FANCC: variants seen among roughly 807,000 people sequenced by gnomAD.
FANCC encodes the protein FA complementation group C.
In FANCC, 55 loss-of-function variants were observed where a neutral mutation model predicts 71.3. That is an observed-to-expected ratio of 0.77 (90% CI 0.62 to 0.97). The LOEUF is 0.97. Ranked by LOEUF, FANCC falls within the 50% of genes least tolerant of loss-of-function variation. FANCC has a pLI of 0.00. For synonymous variants in FANCC, 275 were observed against 244.9 expected, an observed-to-expected ratio of 1.12 and a Z score of -1.15; for missense variants, 678 against 670.9, an observed-to-expected ratio of 1.01 and a Z score of -0.12.
chr9:95,205,645 A>G (rs1828077301), intron 4 of FANCC, among the ~76,000 whole-genome samples: 1 of 152,046 alleles, frequency 6.6e-6, no homozygotes, highest in African/African-American at 2.4e-5. Flanking sequence ...ACTTAAAATA[A>G]CTCCTCCCGA....
chr9:95,132,767 C>G (rs998317082), intron 8 of FANCC, among the ~76,000 whole-genome samples: 4 of 152,180 alleles, frequency 2.6e-5, no homozygotes, highest in Non-Finnish European at 5.9e-5. Flanking sequence ...TGGAAAATAT[C>G]AGACCTGCGA....
At chr9:95,108,416 G>A (rs2071629505) in intron 13 of FANCC, among the ~76,000 whole-genome samples, 1 of 152,220 alleles carries the variant, frequency 6.6e-6, no homozygotes, top group Non-Finnish European at 1.5e-5. Flanking sequence ...CAGGGTTTAG[G>A]AGGCTATGCC....
chr9:95,100,781 C>T lies in FANCC; in HGVS notation c.*926G>A, dbSNP rs1169902702. 2 of 225,294 alleles carry T rather than the reference C, an allele frequency of 8.9e-6. No homozygotes were observed. Among genetic ancestry groups the T allele is most frequent in the Non-Finnish European group, 8.8e-6 (1 of 113,134 alleles). The allele number at this position is 225,294 out of a possible 1,614,324, so 14.0% of individuals were successfully genotyped here. A position where few individuals can be genotyped will look rare whatever the true frequency, so the allele number is the denominator to read the frequency against. On this transcript the variant is annotated 3_prime_UTR_variant, in exon 15 of 15. Coordinates refer to ENST00000289081, the MANE Select transcript of FANCC (RefSeq NM_000136.3). ...GAATAGCTGGGATTACAGATGCATG[C>T]CATTGCACCCCGATAATTTTTGTAT...
chr9:95,122,150 G>A (rs1008215978), intron 10 of FANCC, among the ~76,000 whole-genome samples: 4 of 152,216 alleles, frequency 2.6e-5, no homozygotes, highest in Non-Finnish European at 4.4e-5. Context: ...GAGCCACCAC[G>A]CCTGGCACAT....
intron 4 of FANCC, among the ~76,000 whole-genome samples, chr9:95,232,487 G>A (rs1230870684): frequency 2.0e-5 from 3 of 152,074 alleles, no homozygotes; most frequent in African/African-American, 7.2e-5. Context: ...ACAAATTAGA[G>A]CAATTTTTAA....
At chr9:95,300,186 C>T (rs1327264735) in intron 1 of FANCC, among the ~76,000 whole-genome samples, 2 of 152,108 alleles carry the variant, frequency 1.3e-5, no homozygotes, top group Non-Finnish European at 2.9e-5. Flanking sequence ...CCTTCCTCAC[C>T]TCAGCCTTCT....
chr9:95,145,460 C>A (rs561447470), intron 7 of FANCC: 1 of 152,162 alleles, frequency 6.6e-6, no homozygotes, highest in African/African-American at 2.4e-5. Flanking sequence ...CCAGCTCTCT[C>A]GATAATCTAT....
At chr9:95,155,786 TG>T (rs1830434291) in intron 6 of FANCC, among the ~76,000 whole-genome samples, 1 of 152,118 alleles carries the variant, frequency 6.6e-6, no homozygotes, top group Admixed American at 6.5e-5. Context: ...GGTGCAGTCT[TG>T]GCTCACTGCA....
At chr9:95,238,977 A>G (rs763322623) in intron 4 of FANCC, among the ~76,000 whole-genome samples, 1 of 151,910 alleles carries the variant, frequency 6.6e-6, no homozygotes, top group Non-Finnish European at 1.5e-5. Context: ...TTCATCACCA[A>G]CTCCACAAAA....
chr9:95,129,126 C>T (rs1393002890), intron 8 of FANCC, among the ~76,000 whole-genome samples: 1 of 152,092 alleles, frequency 6.6e-6, no homozygotes, highest in Non-Finnish European at 1.5e-5. Flanking sequence ...TGGTCTCGAT[C>T]TCCTGACCTC....
At chr9:95,160,500 T>A (rs1459021129) in intron 6 of FANCC, among the ~76,000 whole-genome samples, 2 of 152,228 alleles carry the variant, frequency 1.3e-5, no homozygotes, top group Non-Finnish European at 2.9e-5. Context: ...AGGATTGTCT[T>A]GGCAATGTGG....
At chr9:95,145,316 AG>A (rs1829380718) in intron 7 of FANCC, 1 of 152,226 alleles carries the variant, frequency 6.6e-6, no homozygotes, top group African/African-American at 2.4e-5. Flanking sequence ...ACAAAACATT[AG>A]GAACAAGAAA....
At chr9:95,134,361 C>T (rs1434868542) in intron 8 of FANCC, among the ~76,000 whole-genome samples, 1 of 152,136 alleles carries the variant, frequency 6.6e-6, no homozygotes, top group Non-Finnish European at 1.5e-5. Flanking sequence ...CACAGCCAAC[C>T]TCAGGGACTT....
intron 1 of FANCC, among the ~76,000 whole-genome samples, chr9:95,286,712 T>G (rs1180020564): frequency 1.3e-5 from 2 of 152,166 alleles, no homozygotes; most frequent in Non-Finnish European, 2.9e-5. Flanking sequence ...GGCTGATTAC[T>G]GTTCAAGCAA....
chr9:95,305,476 T>A (rs572729187), intron 1 of FANCC, among the ~76,000 whole-genome samples: 5 of 152,202 alleles, frequency 3.3e-5, no homozygotes, highest in Non-Finnish European at 7.3e-5. Flanking sequence ...AAAAATGTGC[T>A]TCAAATCACT....
rs753428914 is a variant in FANCC, at chr9:95,101,699, C to T, written c.*8G>A. On this transcript the variant is annotated 3_prime_UTR_variant, in exon 15 of 15. Coordinates refer to ENST00000289081, the MANE Select transcript of FANCC (RefSeq NM_000136.3). ...TCACGCCGGGCACCCACACGGCCTGCGTGCCTTCTAGACTTGAGTTCGCAG... is the reference window on the plus strand; with the variant it reads ...TCACGCCGGGCACCCACACGGCCTGTGTGCCTTCTAGACTTGAGTTCGCAG... The T allele has an allele frequency of 8.1e-6, 13 of 1,613,492 alleles. No homozygotes were observed. In the Admixed American group the frequency reaches 1.3e-4, roughly 17 times the overall value.
chr9:95,234,251 A>T (rs1471202583), intron 4 of FANCC, among the ~76,000 whole-genome samples: 1 of 152,258 alleles, frequency 6.6e-6, no homozygotes. Flanking sequence ...CTGAAAAAAT[A>T]AATTTGTACA....
At chr9:95,257,626 G>C (rs1831751898) in intron 1 of FANCC, among the ~76,000 whole-genome samples, 1 of 152,020 alleles carries the variant, frequency 6.6e-6, no homozygotes, top group Non-Finnish European at 1.5e-5. Flanking sequence ...AAGAACTAGA[G>C]AAGCAAGAGC....
At chr9:95,289,010 A>C (rs993955824) in intron 1 of FANCC, among the ~76,000 whole-genome samples, 2 of 152,064 alleles carry the variant, frequency 1.3e-5, no homozygotes, top group South Asian at 2.1e-4. Flanking sequence ...CTGAGGAGGG[A>C]GGGCTGCTTG....
Sources: allele counts gnomAD v4.1 joint callset (sites outside exome capture counted in the v4.1 genomes callset), GRCh38; gene constraint gnomAD v4.1.1; transcripts MANE v1.5; gene names NCBI Gene and HGNC (gene_info 2026-07-23, HGNC 2026-07-21).